Variants in MIR2052HG observed in about 807,000 individuals in gnomAD.
MIR2052HG encodes the protein MIR2052 host gene.
intron 4 of MIR2052HG, among the ~76,000 whole-genome samples, chr8:74,740,421 G>A (rs542491327): frequency 1.1e-4 from 17 of 152,142 alleles, no homozygotes; most frequent in Admixed American, 2.6e-4. Context: ...CTGAGATGGC[G>A]CCACTTCACT....
At chr8:74,650,363 G>C (rs962112652) in intron 2 of MIR2052HG, among the ~76,000 whole-genome samples, 1 of 152,074 alleles carries the variant, frequency 6.6e-6, no homozygotes, top group African/African-American at 2.4e-5. Context: ...TGTATCAATA[G>C]TTTGTTCATT....
chr8:74,681,302 G>GAA (rs761213859), intron 2 of MIR2052HG, among the ~76,000 whole-genome samples: 233 of 152,088 alleles, frequency 1.5e-3, no homozygotes, highest in Non-Finnish European at 2.8e-3. Context: ...AAAAAATTAA[G>GAA]ATTTTTAAGA....
chr8:74,747,580 T>C (rs1809900406), intron 4 of MIR2052HG, among the ~76,000 whole-genome samples: 1 of 152,136 alleles, frequency 6.6e-6, no homozygotes, highest in Non-Finnish European at 1.5e-5. Flanking sequence ...CTGAGTAACA[T>C]ATTTTGGCCT....
chr8:74,669,347 T>C (rs1244244613), intron 2 of MIR2052HG, among the ~76,000 whole-genome samples: 2 of 152,148 alleles, frequency 1.3e-5, no homozygotes, highest in African/African-American at 4.8e-5. Flanking sequence ...CAATTGCCTC[T>C]CACCATTTCT....
At chr8:74,602,876 T>TTC (rs1586883851) in intron 1 of MIR2052HG, among the ~76,000 whole-genome samples, 7 of 137,092 alleles carry the variant, frequency 5.1e-5, no homozygotes, top group South Asian at 2.3e-4. Flanking sequence ...TTTCTTTCTT[T>TTC]TTTCTATTCA....
At chr8:74,629,550 T>C (rs1808480440) in intron 2 of MIR2052HG, among the ~76,000 whole-genome samples, 1 of 152,144 alleles carries the variant, frequency 6.6e-6, no homozygotes, top group Admixed American at 6.5e-5. Flanking sequence ...GTGTTAGTCA[T>C]AGGCTTCAGG....
intron 2 of MIR2052HG, among the ~76,000 whole-genome samples, chr8:74,630,778 G>A (rs1346688068): frequency 6.6e-6 from 1 of 152,104 alleles, no homozygotes; most frequent in Non-Finnish European, 1.5e-5. Context: ...CAAGAAGAGT[G>A]GAAAGTGTTA....
intron 1 of MIR2052HG, among the ~76,000 whole-genome samples, chr8:74,611,226 A>G (rs553282311): frequency 1.3e-5 from 2 of 152,208 alleles, no homozygotes; most frequent in South Asian, 4.1e-4. Flanking sequence ...ACTAAACATC[A>G]ATTTTTCATT....
intron 2 of MIR2052HG, among the ~76,000 whole-genome samples, chr8:74,620,290 T>TCA (rs541444928): frequency 9.1e-4 from 138 of 152,310 alleles, no homozygotes; most frequent in African/African-American, 3.2e-3. Context: ...TGGTGCAAGC[T>TCA]GTTGGTTGAT....
At chr8:74,603,290 A>C in intron 1 of MIR2052HG, 1 of 1,564,496 alleles carries the variant, frequency 6.4e-7, no homozygotes, top group East Asian at 2.2e-5. Context: ...GCATTGTTCT[A>C]GCTGCTCCCC....
intron 2 of MIR2052HG, among the ~76,000 whole-genome samples, chr8:74,680,443 C>A (rs1163068109): frequency 6.6e-6 from 1 of 152,112 alleles, no homozygotes; most frequent in Middle Eastern, 3.4e-3. Flanking sequence ...ATTTATGCAG[C>A]CAAAAAACAC....
intron 4 of MIR2052HG, among the ~76,000 whole-genome samples, chr8:74,732,539 T>G (rs761606803): frequency 6.6e-6 from 1 of 152,178 alleles, no homozygotes; most frequent in Non-Finnish European, 1.5e-5. Context: ...CTTACAGAGC[T>G]TACCTTTTAT....
intron 4 of MIR2052HG, among the ~76,000 whole-genome samples, chr8:74,722,706 G>A (rs1809591556): frequency 6.6e-6 from 1 of 152,206 alleles, no homozygotes; most frequent in South Asian, 2.1e-4. Flanking sequence ...CATAACAACA[G>A]TGGTAATTAG....
chr8:74,687,272 G>A (rs1252552771), intron 2 of MIR2052HG, among the ~76,000 whole-genome samples: 1 of 152,020 alleles, frequency 6.6e-6, no homozygotes. Flanking sequence ...TAGCAGTTAT[G>A]GAAAACAGTA....
intron 2 of MIR2052HG, among the ~76,000 whole-genome samples, chr8:74,618,895 C>T (rs1808321940): frequency 6.6e-6 from 1 of 152,082 alleles, no homozygotes; most frequent in Non-Finnish European, 1.5e-5. Context: ...AAAAAAATCC[C>T]TAAAGACTTT....
chr8:74,727,190 A>G (rs1478865539), intron 4 of MIR2052HG, among the ~76,000 whole-genome samples: 1 of 152,220 alleles, frequency 6.6e-6, no homozygotes, highest in African/African-American at 2.4e-5. Context: ...AATCTGCTCT[A>G]CATACACAAG....
chr8:74,619,351 C>G (rs1032735439), intron 2 of MIR2052HG, among the ~76,000 whole-genome samples: 1 of 152,164 alleles, frequency 6.6e-6, no homozygotes, highest in African/African-American at 2.4e-5. Context: ...AGGCATCACA[C>G]TGTCAGATTT....
chr8:74,615,186 A>G (rs1380490749), intron 2 of MIR2052HG: 1 of 152,164 alleles, frequency 6.6e-6, no homozygotes, highest in Non-Finnish European at 1.5e-5. Flanking sequence ...GGAGCCAGTT[A>G]ATGACACACG....
rs538337333 is a variant in MIR2052HG at position 74,727,638 on chromosome 8, A to G, written n.371+23956A>G. On this transcript the variant is annotated intron_variant and non_coding_transcript_variant, in intron 4 of 6. Transcript: ENST00000523442. ...TGTGTTAGGTTTTTTCTTTTAATAT[A>G]AAACAGACCTACTTGCATATTTTTT... is the stretch of plus-strand genomic sequence containing the variant. Among the ~76,000 whole-genome samples the G allele has an allele frequency of 2.0e-4, 30 of 152,362 alleles. No homozygotes were observed. The South Asian group carries it at 2.1e-3, about 11-fold the overall frequency.
Sources: allele counts gnomAD v4.1 joint callset (sites outside exome capture counted in the v4.1 genomes callset), GRCh38; gene constraint gnomAD v4.1.1; transcripts MANE v1.5; gene names NCBI Gene and HGNC (gene_info 2026-07-23, HGNC 2026-07-21).